VWA8: variants seen among roughly 807,000 people sequenced by gnomAD.
VWA8 encodes von Willebrand factor A domain containing 8, also known as von Willebrand factor A domain-containing protein 8.
VWA8 carries 221 observed loss-of-function variants against 241.5 expected under a neutral mutation model. The ratio of observed to expected loss-of-function variants is 0.91; its 90% confidence interval spans 0.82 to 1.02. The LOEUF (loss-of-function observed/expected upper bound fraction) is 1.02, where lower values mean the gene tolerates loss of function less well. Ranked by LOEUF, VWA8 falls within the 50% of genes least tolerant of loss-of-function variation. The pLI is 0.00. For synonymous variants in VWA8, 852 were observed against 827.1 expected (o/e 1.03, Z -0.52); for missense variants, 2,322 against 2,328.7 (o/e 1.00, Z 0.06).
At chr13:41,585,413 A>G (rs2044410772) in intron 42 of VWA8, among the ~76,000 whole-genome samples, 1 of 149,002 alleles carries the variant, frequency 6.7e-6, no homozygotes, top group South Asian at 2.2e-4. Flanking sequence ...ATTCCTAATG[A>G]ATTTTCTTTC....
At chr13:41,761,304 C>T in intron 20 of VWA8, 100 bp from the exon 21 acceptor site, 1 of 1,123,358 alleles carries the variant, frequency 8.9e-7, no homozygotes, top group Non-Finnish European at 1.3e-6. Flanking sequence ...GCTTTCTCAC[C>T]TTGTTACTGT....
rs756032217 is a variant in VWA8, at chr13:41,833,376, C to A, written c.1581G>T (p.Leu527Phe). 6.2e-7 allele frequency: 1 copy of A among 1,608,070 alleles called. No homozygotes were observed. ...HRVNAGTLAV[L>F]QRLIHDRELS... The stretch of plus-strand genomic sequence containing the variant: ...TTTTTGTGACTCATACCCACCTTTG[C>A]AATACAGCAAGCGTGCCCGCATTCA... Residue 527 changes from leucine (L) to phenylalanine (F), a missense_variant, in exon 13 of 45, where the codon TTG (leucine) becomes TTT (phenylalanine). Physicochemically the swap from Leu to Phe is conservative, Grantham distance 22. Transcript: ENST00000379310.
At chr13:41,602,477 T>A (rs577636993) in intron 40 of VWA8, among the ~76,000 whole-genome samples, 1 of 152,234 alleles carries the variant, frequency 6.6e-6, no homozygotes, top group East Asian at 1.9e-4. Context: ...AACCAATATT[T>A]CACAGGATTA....
At chr13:41,952,061 C>A (rs2138167552) in intron 1 of VWA8, among the ~76,000 whole-genome samples, 1 of 152,290 alleles carries the variant, frequency 6.6e-6, no homozygotes, top group African/African-American at 2.4e-5. Context: ...CTTTTCCTCC[C>A]CTGTCCAATT....
chr13:41,922,037 C>T (rs1876564943), intron 2 of VWA8, among the ~76,000 whole-genome samples: 2 of 152,186 alleles, frequency 1.3e-5, no homozygotes, highest in African/African-American at 4.8e-5. Flanking sequence ...TCAAACTATA[C>T]TACAAGGCTA....
At chr13:41,687,714 T>C (rs2045146274) in intron 34 of VWA8, among the ~76,000 whole-genome samples, 1 of 152,172 alleles carries the variant, frequency 6.6e-6, no homozygotes, top group Non-Finnish European at 1.5e-5. Context: ...CTGCCTATTC[T>C]GTTGTGGCCT....
intron 21 of VWA8, among the ~76,000 whole-genome samples, chr13:41,758,384 ATATATATACGCTAG>A (rs71096539): frequency 0.15 from 3,336 of 21,538 alleles, 425 homozygotes; most frequent in South Asian, 0.28. Context: ...ATATATATAT[ATATATATACGCTAG>A]TATATATATA....
intron 12 of VWA8, among the ~76,000 whole-genome samples, chr13:41,846,986 A>G (rs1872318153): frequency 6.6e-6 from 1 of 152,228 alleles, no homozygotes; most frequent in Non-Finnish European, 1.5e-5. Flanking sequence ...AGATCATGCC[A>G]CTGCACTCCA....
At chr13:41,572,413 A>T (rs1035429018) in intron 43 of VWA8, among the ~76,000 whole-genome samples, 4 of 152,244 alleles carry the variant, frequency 2.6e-5, no homozygotes, top group Admixed American at 6.5e-5. Context: ...GTGTAGAAAG[A>T]AGTAGACATG....
intron 1 of VWA8, among the ~76,000 whole-genome samples, chr13:41,958,755 CCT>C (rs1878457646): frequency 6.6e-6 from 1 of 152,190 alleles, no homozygotes; most frequent in Admixed American, 6.5e-5. Flanking sequence ...TCAAAAAATA[CCT>C]CTTTTTGGTC....
intron 14 of VWA8, among the ~76,000 whole-genome samples, chr13:41,824,051 CT>C (rs1316319449): frequency 6.6e-6 from 1 of 152,202 alleles, no homozygotes; most frequent in African/African-American, 2.4e-5. Context: ...TAGAGTTACC[CT>C]TACCTGAGTT....
chr13:41,906,863 A>T (rs910872515), intron 4 of VWA8, among the ~76,000 whole-genome samples: 10 of 152,150 alleles, frequency 6.6e-5, no homozygotes, highest in Non-Finnish European at 4.4e-5. Context: ...GACATTAGCA[A>T]ATTCTTTAAT....
At chr13:41,951,572 G>A (rs1043323863) in intron 1 of VWA8, among the ~76,000 whole-genome samples, 2 of 152,028 alleles carry the variant, frequency 1.3e-5, no homozygotes, top group Non-Finnish European at 2.9e-5. Flanking sequence ...ATCTCTCCCC[G>A]CTGTGCTCTC....
chr13:41,595,808 C>G (rs1254723890), intron 40 of VWA8, among the ~76,000 whole-genome samples: 1 of 152,092 alleles, frequency 6.6e-6, no homozygotes, highest in Non-Finnish European at 1.5e-5. Flanking sequence ...CATAACTGAA[C>G]ATGTCTTTTG....
chr13:41,878,732 T>C (rs972697418), intron 9 of VWA8, among the ~76,000 whole-genome samples: 1 of 152,168 alleles, frequency 6.6e-6, no homozygotes, highest in African/African-American at 2.4e-5. Flanking sequence ...ATCATTTTTC[T>C]ACGTTCCCCT....
chr13:41,908,846 A>T (rs1481765315), intron 3 of VWA8, among the ~76,000 whole-genome samples: 1 of 152,248 alleles, frequency 6.6e-6, no homozygotes, highest in Non-Finnish European at 1.5e-5. Context: ...ACTAAACATG[A>T]GGAACAAACT....
chr13:41,950,962 C>A (rs1008364165), intron 1 of VWA8, among the ~76,000 whole-genome samples: 3 of 152,054 alleles, frequency 2.0e-5, no homozygotes, highest in Admixed American at 1.3e-4. Flanking sequence ...AGCCTCCACA[C>A]CCAGCCCATA....
chr13:41,665,946 C>A (rs2044983038), intron 37 of VWA8, among the ~76,000 whole-genome samples: 1 of 152,078 alleles, frequency 6.6e-6, no homozygotes, highest in Non-Finnish European at 1.5e-5. Flanking sequence ...CTATAATTTT[C>A]ATAATTTATA....
chr13:41,687,628 T>C (rs986214359), intron 34 of VWA8, among the ~76,000 whole-genome samples: 3 of 152,072 alleles, frequency 2.0e-5, no homozygotes, highest in African/African-American at 4.8e-5. Context: ...TCTGTTTCTA[T>C]TTTTTTCATT....
Sources: allele counts gnomAD v4.1 joint callset (sites outside exome capture counted in the v4.1 genomes callset), GRCh38; gene constraint gnomAD v4.1.1; transcripts MANE v1.5; gene names NCBI Gene and HGNC (gene_info 2026-07-23, HGNC 2026-07-21).